NRXN3: variants seen among roughly 807,000 people sequenced by gnomAD.
NRXN3 encodes the protein neurexin 3.
NRXN3 carries 32 observed loss-of-function variants against 137.6 expected under a neutral mutation model. That is an observed-to-expected ratio of 0.23 (90% CI 0.18 to 0.31). The LOEUF is 0.31. Among genes scored for constraint, NRXN3 ranks in the 10% least tolerant of loss-of-function variants. The pLI is 1.00. For missense variants in NRXN3, 1,574 were observed against 2,062.5 expected (o/e 0.76, Z 4.59); for synonymous variants, 798 against 784.5 (o/e 1.02, Z -0.29).
At chr14:78,951,419 A>T (rs1597805843) in intron 10 of NRXN3, among the ~76,000 whole-genome samples, 1 of 152,052 alleles carries the variant, frequency 6.6e-6, no homozygotes, top group East Asian at 1.9e-4. Flanking sequence ...TGATCATCTC[A>T]TTTAGTATCT....
At chr14:78,882,767 CT>C (rs2099132799) in intron 10 of NRXN3, among the ~76,000 whole-genome samples, 1 of 151,514 alleles carries the variant, frequency 6.6e-6, no homozygotes, top group Non-Finnish European at 1.5e-5. Context: ...ATTTGGGGGA[CT>C]GTTGAAAGGG....
At chr14:78,512,116 G>A (rs550786300) in intron 4 of NRXN3, among the ~76,000 whole-genome samples, 3 of 152,110 alleles carry the variant, frequency 2.0e-5, no homozygotes, top group African/African-American at 7.2e-5. Flanking sequence ...GCCCAGGATC[G>A]CTTGATGGAT....
At position 79,866,309 on chromosome 14, in the gene NRXN3, G is replaced by T. The variant is rs534601496; in HGVS notation, c.*4345G>T. 4.6e-5 allele frequency: 7 copies of T among 152,112 alleles called. No homozygotes were observed. Among genetic ancestry groups the T allele is most frequent in the African/African-American group, 1.7e-4 (7 of 41,436 alleles). 9.4% of individuals were successfully genotyped at this position (152,112 alleles called of 1,614,324 possible). On this transcript the variant is annotated 3_prime_UTR_variant, in exon 21 of 21. Coordinates refer to ENST00000335750, the MANE Select transcript of NRXN3 (RefSeq NM_001330195.2). Reference sequence around the variant, plus strand: ...GGATATTAAATTGAGAGCCTTGGGAGCTTATCATCTAGTAAAGATGAACAA... The same window carrying T: ...GGATATTAAATTGAGAGCCTTGGGATCTTATCATCTAGTAAAGATGAACAA...
intron 10 of NRXN3, among the ~76,000 whole-genome samples, chr14:78,901,117 C>T (rs932854621): frequency 6.6e-6 from 1 of 152,018 alleles, no homozygotes; most frequent in African/African-American, 2.4e-5. Context: ...TCTGCTTCTG[C>T]TCATGATACC....
At chr14:79,795,958 A>T (rs1328284895) in intron 19 of NRXN3, among the ~76,000 whole-genome samples, 1 of 152,206 alleles carries the variant, frequency 6.6e-6, no homozygotes, top group Non-Finnish European at 1.5e-5. Flanking sequence ...AAGGGAGGGA[A>T]AAAAGTAGAT....
intron 6 of NRXN3, among the ~76,000 whole-genome samples, chr14:78,674,328 T>C (rs2097973857): frequency 1.3e-5 from 2 of 152,206 alleles, no homozygotes; most frequent in African/African-American, 4.8e-5. Flanking sequence ...CACTGATTAT[T>C]CTGCAAATAA....
intron 1 of NRXN3, among the ~76,000 whole-genome samples, chr14:78,235,036 ATG>A (rs56692474): frequency 0.32 from 41,869 of 132,648 alleles, 8,257 homozygotes; most frequent in African/African-American, 0.43. Flanking sequence ...GTATATATAT[ATG>A]TGTGTGTGTG....
At chr14:79,338,748 C>A (rs968849401) in intron 15 of NRXN3, among the ~76,000 whole-genome samples, 6 of 152,130 alleles carry the variant, frequency 3.9e-5, no homozygotes, top group Non-Finnish European at 2.9e-5. Context: ...ATATTTAAAT[C>A]TTTCATTTTC....
chr14:78,624,905 G>A (rs980146278), intron 4 of NRXN3, among the ~76,000 whole-genome samples: 5 of 151,996 alleles, frequency 3.3e-5, no homozygotes, highest in African/African-American at 1.2e-4. Flanking sequence ...GCAGTGGTGC[G>A]ATCTTGGTTC....
intron 19 of NRXN3, among the ~76,000 whole-genome samples, chr14:79,734,250 C>T (rs2098934241): frequency 6.6e-6 from 1 of 152,126 alleles, no homozygotes; most frequent in South Asian, 2.1e-4. Context: ...GGATCCAATT[C>T]TGTGTAAACT....
At chr14:79,399,715 C>T (rs941137556) in intron 15 of NRXN3, among the ~76,000 whole-genome samples, 7 of 152,152 alleles carry the variant, frequency 4.6e-5, no homozygotes, top group African/African-American at 1.7e-4. Context: ...TATAATATGA[C>T]CACTTACATT....
intron 15 of NRXN3, among the ~76,000 whole-genome samples, chr14:79,139,426 A>G (rs1393988691): frequency 6.6e-6 from 1 of 152,170 alleles, no homozygotes; most frequent in African/African-American, 2.4e-5. Flanking sequence ...GTCCTAGTAA[A>G]TAACACCATC....
intron 15 of NRXN3, among the ~76,000 whole-genome samples, chr14:79,294,225 G>T (rs977397688): frequency 6.6e-6 from 1 of 152,126 alleles, no homozygotes; most frequent in African/African-American, 2.4e-5. Flanking sequence ...GCACACATTA[G>T]GTGTTCTTGT....
intron 16 of NRXN3, among the ~76,000 whole-genome samples, chr14:79,649,830 G>T (rs1442777042): frequency 6.6e-6 from 1 of 152,166 alleles, no homozygotes; most frequent in Non-Finnish European, 1.5e-5. Context: ...GTTTCAGTCA[G>T]CCTTGGCTGC....
chr14:78,287,572 T>A (rs2075312321), intron 3 of NRXN3, among the ~76,000 whole-genome samples: 1 of 152,246 alleles, frequency 6.6e-6, no homozygotes, highest in Admixed American at 6.5e-5. Context: ...CAGACTTGGC[T>A]TGGACCCTTT....
intron 4 of NRXN3, among the ~76,000 whole-genome samples, chr14:78,437,347 C>CTTTTTTTTTT (rs201830022): frequency 7.0e-6 from 1 of 143,442 alleles, no homozygotes; most frequent in Non-Finnish European, 1.5e-5. Flanking sequence ...TTTTCTTTTT[C>CTTTTTTTTTT]TTTTTTTTTT....
At chr14:79,366,092 G>C (rs1266140428) in intron 15 of NRXN3, among the ~76,000 whole-genome samples, 2 of 151,970 alleles carry the variant, frequency 1.3e-5, no homozygotes, top group East Asian at 3.9e-4. Flanking sequence ...ACACTGAAAG[G>C]GTTCAGTCCG....
At chr14:78,566,659 C>A (rs994212826) in intron 4 of NRXN3, among the ~76,000 whole-genome samples, 1 of 152,204 alleles carries the variant, frequency 6.6e-6, no homozygotes, top group Non-Finnish European at 1.5e-5. Context: ...TTCCTTCCTT[C>A]CTCCTCCCTC....
chr14:79,552,567 A>G (rs925619046), intron 16 of NRXN3, among the ~76,000 whole-genome samples: 1 of 152,178 alleles, frequency 6.6e-6, no homozygotes, highest in African/African-American at 2.4e-5. Flanking sequence ...ACAAAATGGG[A>G]AGACTCAAAG....
Sources: allele counts gnomAD v4.1 joint callset (sites outside exome capture counted in the v4.1 genomes callset), GRCh38; gene constraint gnomAD v4.1.1; transcripts MANE v1.5; gene names NCBI Gene and HGNC (gene_info 2026-07-23, HGNC 2026-07-21).